The following ZNF248 variants were observed in gnomAD, a reference collection of about 807,000 sequenced individuals.
ZNF248 encodes KRAB protein domain.
In ZNF248, 20 loss-of-function variants were observed where a neutral mutation model predicts 44.3. That is an observed-to-expected ratio of 0.45 (90% confidence interval 0.32 to 0.66). The LOEUF is 0.66. Ranked by LOEUF, ZNF248 falls within the 30% of genes least tolerant of loss-of-function variation. The pLI is 0.04. For synonymous variants in ZNF248, 224 were observed against 229.0 expected (o/e 0.98, Z 0.20); for missense variants, 654 against 677.0 (o/e 0.97, Z 0.38).
the ZNF248 span, among the ~76,000 whole-genome samples, chr10:37,765,654 T>C: frequency 6.6e-6 from 1 of 152,262 alleles, no homozygotes; most frequent in African/African-American, 2.4e-5. Context: ...GGAGCCAAGA[T>C]GGCCGAATAG....
At chr10:37,773,802 C>A (rs1399157566), downstream of ZNF248, among the ~76,000 whole-genome samples, 5 of 152,156 alleles carry the variant, frequency 3.3e-5, no homozygotes, top group Non-Finnish European at 5.9e-5. Flanking sequence ...CTAATTATCT[C>A]TGTAAAGGCC....
In ZNF248 at chr10:37,829,477, A is replaced by G. The variant is rs946716512; in HGVS notation, c.*2138T>C. On this transcript the variant is annotated 3_prime_UTR_variant, in exon 6 of 6. Transcript: ENST00000395867. Reference sequence around the variant, plus strand: ...TAATTCTTCCCCCTAATTACCATATAGAACATTAACACTTAGAAAAATATT... The same window carrying G: ...TAATTCTTCCCCCTAATTACCATATGGAACATTAACACTTAGAAAAATATT... 1 of 985,270 alleles carries G rather than the reference A, an allele frequency of 1.0e-6. No homozygotes were observed. The highest frequency in any genetic ancestry group is 1.2e-6 in the Non-Finnish European group (1 of 829,928). 61.0% of individuals were successfully genotyped at this position (985,270 alleles called of 1,614,324 possible). A position where few individuals can be genotyped will look rare whatever the true frequency, so the allele number is the denominator to read the frequency against.
At chr10:37,821,793 T>C (rs947195502) in intron 6 of ZNF248, among the ~76,000 whole-genome samples, 2 of 152,198 alleles carry the variant, frequency 1.3e-5, no homozygotes, top group African/African-American at 4.8e-5. Flanking sequence ...TGACAGTCAT[T>C]TGGAGTTTTG....
At chr10:37,818,609 C>T (rs563418618) in intron 6 of ZNF248, 17 of 444,052 alleles carry the variant, frequency 3.8e-5, no homozygotes, top group East Asian at 2.9e-4. Flanking sequence ...AGTCTCAATT[C>T]GAAGAACAGC....
downstream of ZNF248, among the ~76,000 whole-genome samples, chr10:37,823,811 T>G (rs1303050164): frequency 6.6e-6 from 1 of 152,066 alleles, no homozygotes; most frequent in Non-Finnish European, 1.5e-5. Context: ...TGACCTAAGG[T>G]GATCCACCCA....
chr10:37,822,834 T>A (rs1661071467), intron 6 of ZNF248, among the ~76,000 whole-genome samples: 1 of 152,120 alleles, frequency 6.6e-6, no homozygotes, highest in African/African-American at 2.4e-5. Context: ...TTCAAAGTCA[T>A]CCTGGGCAAC....
the ZNF248 span, among the ~76,000 whole-genome samples, chr10:37,766,832 C>T: frequency 6.6e-6 from 1 of 151,990 alleles, no homozygotes; most frequent in African/African-American, 2.4e-5. Context: ...CTCCGAGCTA[C>T]AGGAGGAAAT....
chr10:37,812,419 T>C (rs930029764), intron 6 of ZNF248, among the ~76,000 whole-genome samples: 4 of 152,114 alleles, frequency 2.6e-5, no homozygotes, highest in African/African-American at 9.7e-5. Context: ...TTAGTACAAA[T>C]GCAGCTGGGT....
chr10:37,821,728 G>T (rs2053500256), intron 6 of ZNF248, among the ~76,000 whole-genome samples: 1 of 152,174 alleles, frequency 6.6e-6, no homozygotes, highest in Non-Finnish European at 1.5e-5. Context: ...ATCCTCAAAA[G>T]CCTTTACCTA....
At chr10:37,824,635 G>T (rs1416221339), downstream of ZNF248, among the ~76,000 whole-genome samples, 2 of 143,066 alleles carry the variant, frequency 1.4e-5, no homozygotes, top group Non-Finnish European at 3.0e-5. Flanking sequence ...TTAATGTTAA[G>T]ACTGCATACC....
the ZNF248 span, among the ~76,000 whole-genome samples, chr10:37,769,885 G>T: frequency 3.9e-5 from 6 of 152,136 alleles, no homozygotes; most frequent in African/African-American, 1.4e-4. Flanking sequence ...CATTGTCTCA[G>T]CCCAAAATCT....
chr10:37,825,597 A>G (rs1010472098), downstream of ZNF248, among the ~76,000 whole-genome samples: 4 of 152,026 alleles, frequency 2.6e-5, no homozygotes, highest in Non-Finnish European at 1.5e-5. Context: ...GCACCACCAC[A>G]CCCGGCTAAT....
chr10:37,854,271 G>C (rs1266960226), intron 3 of ZNF248, among the ~76,000 whole-genome samples: 1 of 152,046 alleles, frequency 6.6e-6, no homozygotes, highest in Non-Finnish European at 1.5e-5. Flanking sequence ...AAATATTTCT[G>C]CATAGGGAAA....
downstream of ZNF248, among the ~76,000 whole-genome samples, chr10:37,771,897 T>C (rs1273730640): frequency 5.9e-5 from 9 of 152,060 alleles, no homozygotes; most frequent in Admixed American, 5.9e-4. Flanking sequence ...CATTCACAAA[T>C]CACAAAGCAT....
intron 3 of ZNF248, among the ~76,000 whole-genome samples, chr10:37,840,080 T>C (rs144617721): frequency 1.9e-3 from 287 of 152,214 alleles, no homozygotes; most frequent in African/African-American, 6.6e-3. Flanking sequence ...AAATAACCTA[T>C]AGATCAAAGA....
At chr10:37,785,746 A>G (rs2047811409) in intron 6 of ZNF248, among the ~76,000 whole-genome samples, 1 of 152,210 alleles carries the variant, frequency 6.6e-6, no homozygotes, top group Non-Finnish European at 1.5e-5. Flanking sequence ...CTCCCAATGA[A>G]CAGGACTTCA....
chr10:37,810,740 T>C (rs1201858293), intron 6 of ZNF248, among the ~76,000 whole-genome samples: 1 of 152,188 alleles, frequency 6.6e-6, no homozygotes, highest in East Asian at 1.9e-4. Context: ...TAAAATTTAT[T>C]AAAACATACA....
intron 6 of ZNF248, among the ~76,000 whole-genome samples, chr10:37,792,459 G>A (rs2048669899): frequency 6.6e-6 from 1 of 152,148 alleles, no homozygotes. Flanking sequence ...CCACTCCAAG[G>A]GGTGAAGCTT....
chr10:37,780,262 A>T (rs1430916197), intron 6 of ZNF248, among the ~76,000 whole-genome samples: 1 of 152,126 alleles, frequency 6.6e-6, no homozygotes, highest in Non-Finnish European at 1.5e-5. Context: ...CTGACTTCAA[A>T]CTATACTACA....
Sources: gnomAD v4.1 joint callset for allele counts (sites outside exome capture counted in the v4.1 genomes callset) on GRCh38, gnomAD v4.1.1 for gene constraint, MANE v1.5 for transcripts, NCBI Gene and HGNC (gene_info 2026-07-23, HGNC 2026-07-21) for gene names.